Variants in NUSAP1 observed in about 807,000 individuals in gnomAD.
NUSAP1 encodes the protein nucleolar and spindle associated protein 1.
Under a neutral mutation model 52.8 loss-of-function variants are expected in NUSAP1, and 32 were observed. The observed-to-expected ratio is 0.61, with a 90% confidence interval of 0.46 to 0.81. NUSAP1 has a LOEUF of 0.81. Among genes scored for constraint, NUSAP1 ranks in the 40% least tolerant of loss-of-function variants. NUSAP1 has a pLI of 0.00. For synonymous variants in NUSAP1, 195 were observed against 183.1 expected (o/e 1.06, Z -0.52); for missense variants, 499 against 522.3 (o/e 0.96, Z 0.43).
intron 2 of NUSAP1, among the ~76,000 whole-genome samples, chr15:41,347,841 G>A (rs777920513): frequency 1.3e-5 from 2 of 151,588 alleles, no homozygotes; most frequent in Non-Finnish European, 2.9e-5. Flanking sequence ...AAAGAAAACG[G>A]ACTGGGCATA....
At chr15:41,373,115 A>G (rs951007821) in intron 8 of NUSAP1, among the ~76,000 whole-genome samples, 3 of 151,906 alleles carry the variant, frequency 2.0e-5, no homozygotes, top group Admixed American at 1.3e-4. Flanking sequence ...ATTGGGAGAG[A>G]AAGGATTAAC....
At position 41,332,969 on chromosome 15, in the gene NUSAP1, C is replaced by CT. The variant is rs2047968837; in HGVS notation, c.13dup (p.Ser5PhefsTer12). 1 of 1,610,322 alleles carries CT rather than the reference C, an allele frequency of 6.2e-7. No homozygotes were observed. Among genetic ancestry groups the CT allele is most frequent in the Non-Finnish European group, 8.5e-7 (1 of 1,178,182 alleles). On this transcript the variant is annotated frameshift_variant, in exon 1 of 11. Coordinates refer to ENST00000559596, the MANE Select transcript of NUSAP1 (RefSeq NM_016359.5). LOFTEE classifies it high-confidence loss of function. ...GATTTCGAATCGCGATGATCATCCC[C>CT]TCTCTAGAGGAGCTGGACTCCCTCA...
intron 7 of NUSAP1, 109 bp from the exon 8 acceptor site, chr15:41,371,418 T>C (rs2140829287): frequency 2.4e-6 from 2 of 845,896 alleles, no homozygotes; most frequent in East Asian, 2.9e-5. Context: ...CAATTATTAA[T>C]TGAGGCCCTT....
chr15:41,335,666 C>A (rs2048096111), intron 1 of NUSAP1, among the ~76,000 whole-genome samples: 3 of 138,076 alleles, frequency 2.2e-5, no homozygotes, highest in African/African-American at 8.0e-5. Flanking sequence ...TATAAATATA[C>A]TAAATATAAA....
intron 1 of NUSAP1, 59 bp from the exon 2 acceptor site, chr15:41,342,327 T>C (rs1321967160): frequency 8.7e-7 from 1 of 1,154,502 alleles, no homozygotes; most frequent in Non-Finnish European, 1.3e-6. Flanking sequence ...CAAAAAATAT[T>C]CAACGTATCT....
At chr15:41,355,726 G>T (rs1417944166) in intron 4 of NUSAP1, among the ~76,000 whole-genome samples, 2 of 151,552 alleles carry the variant, frequency 1.3e-5, no homozygotes, top group African/African-American at 4.9e-5. Context: ...GCCCAGGCTG[G>T]AGTGCAGTTG....
chr15:41,339,338 A>C (rs1420539209), intron 1 of NUSAP1, among the ~76,000 whole-genome samples: 1 of 152,146 alleles, frequency 6.6e-6, no homozygotes, highest in East Asian at 1.9e-4. Flanking sequence ...AGAGAAACCA[A>C]ATATGAGACA....
chr15:41,360,533 G>C (rs1415908065), intron 6 of NUSAP1, among the ~76,000 whole-genome samples: 1 of 152,014 alleles, frequency 6.6e-6, no homozygotes, highest in Non-Finnish European at 1.5e-5. Context: ...GGCCAGGCTA[G>C]TCTTGAACTC....
rs2049165521 is a variant in NUSAP1 at position 41,361,275 on chromosome 15, C to G, written c.660+3017C>G. Reference sequence around the variant, plus strand: ...TGGCATGGTGGCGCATGTCTGTAATCCCAGCTACTCGGGAGGCTGAGGCAG... The same window carrying G: ...TGGCATGGTGGCGCATGTCTGTAATGCCAGCTACTCGGGAGGCTGAGGCAG... On this transcript the variant is annotated intron_variant, in intron 6 of 10. Transcript: ENST00000559596. 2.0e-5 allele frequency among the ~76,000 whole-genome samples: 3 copies of G among 151,848 alleles called. No homozygotes were observed. The South Asian group carries it at 6.2e-4, about 32-fold the overall frequency.
chr15:41,343,780 C>T (rs1002529529), intron 2 of NUSAP1, among the ~76,000 whole-genome samples: 2 of 151,758 alleles, frequency 1.3e-5, no homozygotes, highest in African/African-American at 2.4e-5. Flanking sequence ...TGTGAGCCAC[C>T]GCACCTGGCG....
At position 41,375,174 on chromosome 15, in the gene NUSAP1, ATTT is replaced by A. The variant is rs56152606; in HGVS notation, c.1007-519_1007-517del. On this transcript the variant is annotated intron_variant, in intron 8 of 10. Transcript: ENST00000559596. ...AGGCATGCACCACCACGCCCAGCTA[ATTT>A]TTTTTTTTTTTTTTTTTTAAACCAA... Among the ~76,000 whole-genome samples the A allele has an allele frequency of 3.7e-3, 473 of 127,794 alleles. 5 individuals are homozygous for A. Among genetic ancestry groups the A allele is most frequent in the African/African-American group, 0.012 (410 of 34,562 alleles). The allele number at this position is 127,794 out of a possible 152,430, so 83.8% of individuals were successfully genotyped here. A position where few individuals can be genotyped will look rare whatever the true frequency, so the allele number is the denominator to read the frequency against.
At position 41,345,794 on chromosome 15, in the gene NUSAP1, A is replaced by G. The variant is rs368200078; in HGVS notation, c.163-3304A>G. On this transcript the variant is annotated intron_variant, in intron 2 of 10. Transcript: ENST00000559596. ...TCTCCCATCTGCTGAGCTCCTAGTT[A>G]CTCTCTAGTGTTCTCTGTCTCATTG... Among the ~76,000 whole-genome samples the G allele has an allele frequency of 2.0e-5, 3 of 150,742 alleles. No individual in the cohort carries two copies. In the East Asian group the frequency reaches 5.9e-4, roughly 30 times the overall value.
chr15:41,350,897 C>T, intron 3 of NUSAP1, 91 bp from the exon 4 acceptor site: 1 of 1,095,362 alleles, frequency 9.1e-7, no homozygotes. Flanking sequence ...CTTCCTTTAA[C>T]CCCTTTTCCC....
intron 9 of NUSAP1, among the ~76,000 whole-genome samples, chr15:41,376,090 A>G (rs530312785): frequency 8.4e-4 from 127 of 151,692 alleles, no homozygotes; most frequent in Middle Eastern, 3.4e-3. Flanking sequence ...AAAAATAAAA[A>G]CTTAAGAATA....
chr15:41,344,169 A>G (rs1288125327), intron 2 of NUSAP1: 1 of 150,530 alleles, frequency 6.6e-6, no homozygotes, highest in Admixed American at 6.6e-5. Flanking sequence ...AGCAGAGATC[A>G]AACCATTGCA....
chr15:41,339,830 G>A (rs2048312201), intron 1 of NUSAP1, among the ~76,000 whole-genome samples: 2 of 149,102 alleles, frequency 1.3e-5, no homozygotes, highest in Non-Finnish European at 3.0e-5. Flanking sequence ...CACCCAGGCT[G>A]GAGTGCAGTG....
intron 7 of NUSAP1, among the ~76,000 whole-genome samples, chr15:41,367,312 GTC>G (rs958026303): frequency 6.6e-6 from 1 of 152,206 alleles, no homozygotes; most frequent in Non-Finnish European, 1.5e-5. Flanking sequence ...CTGCTTGAGA[GTC>G]TCTCCCGTTC....
At chr15:41,336,386 G>A (rs1328207016) in intron 1 of NUSAP1, among the ~76,000 whole-genome samples, 1 of 151,672 alleles carries the variant, frequency 6.6e-6, no homozygotes, top group Non-Finnish European at 1.5e-5. Flanking sequence ...TTAGTGGGGC[G>A]ACTGGTCCTG....
chr15:41,355,170 T>G (rs994737284), intron 4 of NUSAP1, among the ~76,000 whole-genome samples: 1 of 149,850 alleles, frequency 6.7e-6, no homozygotes, highest in East Asian at 2.0e-4. Flanking sequence ...ATTTTTATTT[T>G]ATGTATTTAT....
Sources: gnomAD v4.1 joint callset for allele counts (sites outside exome capture counted in the v4.1 genomes callset) on GRCh38, gnomAD v4.1.1 for gene constraint, MANE v1.5 for transcripts, NCBI Gene and HGNC (gene_info 2026-07-23, HGNC 2026-07-21) for gene names.